Variants in ANKHD1 observed in about 807,000 individuals in gnomAD.
ANKHD1 encodes the protein ankyrin repeat and KH domain-containing protein 1.
ANKHD1 carries 31 observed loss-of-function variants against 230.5 expected under a neutral mutation model. The ratio of observed to expected loss-of-function variants is 0.13; its 90% confidence interval spans 0.10 to 0.18. The LOEUF (loss-of-function observed/expected upper bound fraction) is 0.18, where lower values mean the gene tolerates loss of function less well. Among genes scored for constraint, ANKHD1 ranks in the 10% least tolerant of loss-of-function variants. The pLI is 1.00. For missense variants in ANKHD1, 2,256 were observed against 3,071.3 expected (o/e 0.73, Z 6.27); for synonymous variants, 1,074 against 1,117.6 (o/e 0.96, Z 0.78).
At chr5:140,420,133 C>G (rs540519631) in intron 1 of ANKHD1, among the ~76,000 whole-genome samples, 8 of 150,528 alleles carry the variant, frequency 5.3e-5, no homozygotes, top group Non-Finnish European at 1.5e-5. Context: ...AGCTGGACTA[C>G]AGGTGCACAC....
At position 140,443,564 on chromosome 5, in the gene ANKHD1, G is replaced by A. The variant is rs190237688; in HGVS notation, c.914-2178G>A. ...AAATTAGCTAGGCATGGTGGCAGGC[G>A]CCTGTAGTCCCAGCTACTCGGGAGG... On this transcript the variant is annotated intron_variant, in intron 5 of 33. Transcript: ENST00000360839. 6.1e-3 allele frequency among the ~76,000 whole-genome samples: 923 copies of A among 151,924 alleles called. 6 individuals carry two copies. The highest frequency in any genetic ancestry group is 0.021 in the African/African-American group (878 of 41,462).
In ANKHD1 at chr5:140,528,338, A is replaced by G; in HGVS notation, c.5392A>G (p.Thr1798Ala). 1 of 1,614,140 alleles carries G rather than the reference A, an allele frequency of 6.2e-7. No individual in the cohort carries two copies. Among genetic ancestry groups the G allele is most frequent in the Non-Finnish European group, 8.5e-7 (1 of 1,180,020 alleles). ...IHANFSSGVG[T>A]TAASSKNAFP... ...TGCTAACTTCTCATCTGGAGTAGGT[A>G]CCACAGCAGCTTCCAGTAAAAATGC... is the stretch of plus-strand genomic sequence containing the variant. Residue 1798 changes from threonine (T) to alanine (A), a missense_variant, in exon 29 of 34, where the codon ACC (threonine) becomes GCC (alanine). Transcript: ENST00000360839.
intron 9 of ANKHD1, among the ~76,000 whole-genome samples, chr5:140,460,695 A>G (rs1775639162): frequency 6.6e-6 from 1 of 151,856 alleles, no homozygotes; most frequent in Non-Finnish European, 1.5e-5. Flanking sequence ...TAATTTTTGT[A>G]TTTTTTGTAG....
At chr5:140,461,278 C>T (rs771695655) in intron 9 of ANKHD1, among the ~76,000 whole-genome samples, 41 of 152,092 alleles carry the variant, frequency 2.7e-4, no homozygotes, top group Non-Finnish European at 5.6e-4. Context: ...ACTTAGAACT[C>T]GACATTGTTT....
At chr5:140,500,648 C>CAAAAAAAAAAAAAA (rs376975917) in intron 15 of ANKHD1, among the ~76,000 whole-genome samples, 1 of 78,746 alleles carries the variant, frequency 1.3e-5, no homozygotes, top group Non-Finnish European at 2.5e-5. Context: ...GACTCTGTCT[C>CAAAAAAAAAAAAAA]AAAAAAAAAA....
rs574071036 is a variant in ANKHD1, at chr5:140,413,539, C to T, written c.306+11266C>T. Among the ~76,000 whole-genome samples, 8 of 152,226 alleles carry T rather than the reference C, an allele frequency of 5.3e-5. No individual in the cohort carries two copies. The East Asian group carries it at 7.7e-4, about 15-fold the overall frequency. ...CCAACCCCTAGCAACTACCATTCTA[C>T]GTTTTCTCTCTATGAATTTTACTAC... On this transcript the variant is annotated intron_variant, in intron 1 of 33. Coordinates refer to ENST00000360839, the MANE Select transcript of ANKHD1 (RefSeq NM_017747.3).
At chr5:140,402,581 G>T (rs1770045451) in intron 1 of ANKHD1, among the ~76,000 whole-genome samples, 1 of 152,212 alleles carries the variant, frequency 6.6e-6, no homozygotes, top group Non-Finnish European at 1.5e-5. Context: ...TGGGGGTGGG[G>T]GGCGGGGTCT....
chr5:140,460,997 G>T (rs771272877), intron 9 of ANKHD1, among the ~76,000 whole-genome samples: 1 of 152,054 alleles, frequency 6.6e-6, no homozygotes, highest in Non-Finnish European at 1.5e-5. Flanking sequence ...TCTGCTAGTG[G>T]TTATCTTTGT....
intron 1 of ANKHD1, among the ~76,000 whole-genome samples, chr5:140,405,220 A>C (rs1770335700): frequency 6.6e-6 from 1 of 152,278 alleles, no homozygotes; most frequent in Non-Finnish European, 1.5e-5. Flanking sequence ...TTAAGAGTAC[A>C]TGTAGACCTC....
At position 140,496,723 on chromosome 5, in the gene ANKHD1, A is replaced by G. The variant is rs1400126540; in HGVS notation, c.2449A>G (p.Ile817Val). ...AGGTGAACCTCTGAACAAAGATAAG[A>G]TAGAAGAACTTAAAAAGAACAGAGA... is the stretch of plus-strand genomic sequence containing the variant. ...IQGEPLNKDKIEELKKNREEQ... is the reference protein window; with the variant it reads ...IQGEPLNKDKVEELKKNREEQ... Residue 817 changes from isoleucine to valine, a missense_variant, in exon 15 of 34, where the codon ATA (isoleucine) becomes GTA (valine). Around this residue, in one of 13 missense-constraint regions of ANKHD1, gnomAD observed 358 missense variants for 397.7 expected, o/e 0.90. Coordinates refer to ENST00000360839, the MANE Select transcript of ANKHD1 (RefSeq NM_017747.3). 3.7e-6 allele frequency: 6 copies of G among 1,613,688 alleles called. No individual in the cohort carries two copies. Among genetic ancestry groups the G allele is most frequent in the Non-Finnish European group, 5.1e-6 (6 of 1,179,946 alleles).
intron 30 of ANKHD1, chr5:140,535,973 T>G (rs1388467141): frequency 6.6e-6 from 1 of 152,190 alleles, no homozygotes; most frequent in Non-Finnish European, 1.5e-5. Flanking sequence ...AATTATTTCT[T>G]AAATCTGGAA....
In ANKHD1 at chr5:140,486,882, A is replaced by G. The variant is rs189009711; in HGVS notation, c.2143-76A>G. ...GTGGTATATGAAGATAACCTAAAAC[A>G]GGATATCTGTTTCATTTATGGGCCT... On this transcript the variant is annotated intron_variant, in intron 13 of 33. Transcript: ENST00000360839. The G allele has an allele frequency of 1.1e-4, 152 of 1,422,452 alleles. No individual in the cohort carries two copies. In the African/African-American group the frequency reaches 1.9e-3, roughly 18 times the overall value. 88.1% of individuals were successfully genotyped at this position (1,422,452 alleles called of 1,614,324 possible). A position where few individuals can be genotyped will look rare whatever the true frequency, so the allele number is the denominator to read the frequency against.
At position 140,507,644 on chromosome 5, in the gene ANKHD1, T is replaced by C. The variant is rs1247106198; in HGVS notation, c.3552-141T>C. The stretch of plus-strand genomic sequence containing the variant: ...TTAAATTGTGACATTTTCTTATTCT[T>C]TATTATTGGTCGAAACAAGTAAAAT... On this transcript the variant is annotated intron_variant, in intron 19 of 33. Coordinates refer to ENST00000360839, the MANE Select transcript of ANKHD1 (RefSeq NM_017747.3). This position sits in a 1 kb window ranked among gnomAD's most constrained non-coding sequence, Gnocchi z 4.1. 1.9e-6 allele frequency: 2 copies of C among 1,057,746 alleles called. No homozygotes were observed. The highest frequency in any genetic ancestry group is 5.2e-5 in the East Asian group (2 of 38,228). The allele number at this position is 1,057,746 out of a possible 1,614,324, so 65.5% of individuals were successfully genotyped here. A position where few individuals can be genotyped will look rare whatever the true frequency, so the allele number is the denominator to read the frequency against.
At chr5:140,439,079 C>G (rs1773658854) in intron 3 of ANKHD1, among the ~76,000 whole-genome samples, 1 of 152,076 alleles carries the variant, frequency 6.6e-6, no homozygotes, top group East Asian at 1.9e-4. Flanking sequence ...GGGCCCTACT[C>G]CATATCTACT....
chr5:140,425,382 T>G (rs1240755565), intron 1 of ANKHD1, among the ~76,000 whole-genome samples: 1 of 152,144 alleles, frequency 6.6e-6, no homozygotes, highest in Non-Finnish European at 1.5e-5. Context: ...CGCCTCAGCC[T>G]CCCAAGTAGC....
At chr5:140,477,825 T>C (rs1751051112) in intron 10 of ANKHD1, among the ~76,000 whole-genome samples, 1 of 152,144 alleles carries the variant, frequency 6.6e-6, no homozygotes, top group South Asian at 2.1e-4. Context: ...TTGGGCAGGC[T>C]GGTCTTGAAC....
At position 140,486,987 on chromosome 5, in the gene ANKHD1, C is replaced by T; in HGVS notation, c.2172C>T (p.Ala724=). The change falls in exon 14 of 34, where the codon GCC becomes GCT. Residue 724 remains alanine, a synonymous_variant. Coordinates refer to ENST00000360839, the MANE Select transcript of ANKHD1 (RefSeq NM_017747.3). ...CACGTGTGCCAACGCATACACTTGC[C>T]ATGGTTGTACCTCCCCAGGAACCTG... The part of the protein sequence containing the change: ...QVPRVPTHTL[A]MVVPPQEPDR... The T allele has an allele frequency of 6.2e-7, 1 of 1,613,302 alleles. No individual in the cohort carries two copies. Among genetic ancestry groups the T allele is most frequent in the South Asian group, 1.1e-5 (1 of 91,012 alleles).
Position 140,526,305 on chromosome 5 carries a change from G to C in ANKHD1, c.4802G>C (p.Cys1601Ser). ...SDSDNLDSTD[C>S]NSESSSGGKS... ...TCAGATAACTTGGACAGCACAGACT[G>C]CAACAGTGAGAGTAGCAGTGGTGGT... The change falls in exon 26 of 34, where the codon TGC becomes TCC. Residue 1601 changes from cysteine (C) to serine (S), a missense_variant. By Grantham distance (112) the Cys-to-Ser change is moderately radical. This residue lies in a region of ANKHD1 where 212 missense variants were observed against 257.3 expected (regional missense o/e 0.82). Transcript: ENST00000360839. 1 of 1,614,212 alleles carries C rather than the reference G, an allele frequency of 6.2e-7. No homozygotes were observed. The highest frequency in any genetic ancestry group is 8.5e-7 in the Non-Finnish European group (1 of 1,180,048).
chr5:140,521,218 T>A (rs1753335386), intron 24 of ANKHD1, among the ~76,000 whole-genome samples: 1 of 152,232 alleles, frequency 6.6e-6, no homozygotes, highest in Non-Finnish European at 1.5e-5. Flanking sequence ...CAGCAAATTT[T>A]GGTTTAAAAA....
Sources: gnomAD v4.1 joint callset for allele counts (sites outside exome capture counted in the v4.1 genomes callset) on GRCh38, gnomAD v4.1.1 for gene constraint, gnomAD v4.1.1 regional missense constraint, Gnocchi (gnomAD v3.1) non-coding constraint, MANE v1.5 for transcripts, NCBI Gene and HGNC (gene_info 2026-07-23, HGNC 2026-07-21) for gene names.